CDH12: variants seen among roughly 807,000 people sequenced by gnomAD.
CDH12 encodes cadherin 12.
Under a neutral mutation model 74.1 loss-of-function variants are expected in CDH12, and 41 were observed. The observed-to-expected ratio is 0.55, with a 90% confidence interval of 0.43 to 0.72. The LOEUF is 0.72. Among genes scored for constraint, CDH12 ranks in the 30% least tolerant of loss-of-function variants. The pLI is 0.00. For missense variants in CDH12, 945 were observed against 977.2 expected, an observed-to-expected ratio of 0.97 and a Z score of 0.44; for synonymous variants, 399 against 355.0, an observed-to-expected ratio of 1.12 and a Z score of -1.39.
At chr5:22,698,886 G>GTA (rs1742567336) in intron 1 of CDH12, among the ~76,000 whole-genome samples, 1 of 150,910 alleles carries the variant, frequency 6.6e-6, no homozygotes, top group Non-Finnish European at 1.5e-5. Context: ...AGTTTTCTCC[G>GTA]TATACAATTA....
At chr5:22,032,018 C>T (rs187119346) in intron 5 of CDH12, among the ~76,000 whole-genome samples, 64 of 151,282 alleles carry the variant, frequency 4.2e-4, no homozygotes, top group Admixed American at 6.6e-4. Context: ...AAAAAAAAAT[C>T]GAATCAAAAC....
chr5:21,842,300 C>T lies in CDH12; in HGVS notation c.675G>A (p.Met225Ile), dbSNP rs1291086606. The T allele has an allele frequency of 6.2e-7, 1 of 1,611,368 alleles. No homozygotes were observed. Among genetic ancestry groups the T allele is most frequent in the Non-Finnish European group, 8.5e-7 (1 of 1,178,740 alleles). The change falls in exon 8 of 15, where the codon ATG becomes ATA. Residue 225 changes from methionine to isoleucine, a missense_variant. Met to Ile is a conservative substitution (Grantham distance 10). This residue lies in a region of CDH12 where 791 missense variants were observed against 792.8 expected (regional missense o/e 1.00). Transcript: ENST00000382254. The part of the protein sequence containing the change: ...TGVIRTALPN[M>I]DREVKEQYQV... ...GATATTGTTCTTTGACTTCTCTGTC[C>T]ATGTTTGGCAAAGCTGTTCTAATAA...
At chr5:22,576,005 G>A (rs369277881) in intron 1 of CDH12, among the ~76,000 whole-genome samples, 5 of 151,924 alleles carry the variant, frequency 3.3e-5, no homozygotes, top group South Asian at 2.1e-4. Flanking sequence ...CATGACCACC[G>A]CATGAGCCAC....
At chr5:22,842,827 T>C (rs1217800838) in intron 1 of CDH12, among the ~76,000 whole-genome samples, 1 of 152,116 alleles carries the variant, frequency 6.6e-6, no homozygotes, top group Non-Finnish European at 1.5e-5. Flanking sequence ...AATTCTATCA[T>C]GGTAATACTC....
intron 4 of CDH12, among the ~76,000 whole-genome samples, chr5:22,108,325 G>A (rs901246353): frequency 2.6e-5 from 4 of 152,192 alleles, no homozygotes; most frequent in South Asian, 4.1e-4. Context: ...GTGGAACTGT[G>A]AGTCCATTAA....
intron 5 of CDH12, among the ~76,000 whole-genome samples, chr5:21,995,935 T>C (rs1176390143): frequency 6.6e-6 from 1 of 152,022 alleles, no homozygotes. Flanking sequence ...ATATAAAAAT[T>C]GCCACCCATT....
chr5:21,932,435 T>G (rs61334592), intron 6 of CDH12, among the ~76,000 whole-genome samples: 3,130 of 152,248 alleles, frequency 0.021, 97 homozygotes, highest in African/African-American at 0.069. Context: ...CAATAAAAAA[T>G]TAATCACTAC....
intron 1 of CDH12, among the ~76,000 whole-genome samples, chr5:22,831,667 C>A (rs374999285): frequency 2.0e-5 from 3 of 152,034 alleles, no homozygotes; most frequent in Admixed American, 6.6e-5. Context: ...GAGCCCGAGG[C>A]GGGTGGATCA....
intron 6 of CDH12, among the ~76,000 whole-genome samples, chr5:21,958,635 T>A: frequency 6.6e-6 from 1 of 152,154 alleles, no homozygotes; most frequent in East Asian, 1.9e-4. Context: ...GGTTCTTTAT[T>A]CTGTTCTATT....
chr5:21,790,994 C>T (rs1251959950), intron 10 of CDH12, among the ~76,000 whole-genome samples: 1 of 151,982 alleles, frequency 6.6e-6, no homozygotes, highest in African/African-American at 2.4e-5. Flanking sequence ...ATCTCTGTCA[C>T]CTTGTGAGAC....
chr5:22,026,095 C>T (rs1185867344), intron 5 of CDH12, among the ~76,000 whole-genome samples: 1 of 152,096 alleles, frequency 6.6e-6, no homozygotes, highest in Non-Finnish European at 1.5e-5. Context: ...AAATTACAAA[C>T]GTTCTCAATA....
At chr5:21,827,449 A>C (rs543961836) in intron 8 of CDH12, among the ~76,000 whole-genome samples, 2 of 152,264 alleles carry the variant, frequency 1.3e-5, no homozygotes, top group East Asian at 3.9e-4. Context: ...GGCACTAAAC[A>C]TAAAATAATT....
chr5:21,926,444 TTCC>T (rs925037673), intron 6 of CDH12, among the ~76,000 whole-genome samples: 2 of 152,162 alleles, frequency 1.3e-5, no homozygotes, highest in Non-Finnish European at 2.9e-5. Context: ...CTCTTTGTCT[TTCC>T]TCTATATATC....
chr5:21,880,608 CTTCCTTCCTTCTTTCTTTCTTTCT>C (rs1752246158), intron 6 of CDH12, among the ~76,000 whole-genome samples: 7 of 65,678 alleles, frequency 1.1e-4, no homozygotes, highest in African/African-American at 2.6e-4. Context: ...TCCTTCCTTC[CTTCCTTCCTTCTTTCTTTCTTTCT>C]TTCTTTCTTT....
At chr5:22,138,323 A>T (rs1338091556) in intron 4 of CDH12, among the ~76,000 whole-genome samples, 1 of 151,870 alleles carries the variant, frequency 6.6e-6, no homozygotes, top group Non-Finnish European at 1.5e-5. Context: ...TGAAAGTGTT[A>T]GAAATATGAA....
At chr5:22,780,252 A>G (rs972153170) in intron 1 of CDH12, among the ~76,000 whole-genome samples, 3 of 152,084 alleles carry the variant, frequency 2.0e-5, no homozygotes, top group Admixed American at 1.3e-4. Context: ...ATTAGTCGGT[A>G]TGGTGGCACA....
At chr5:22,768,918 T>C (rs557532093) in intron 1 of CDH12, among the ~76,000 whole-genome samples, 2 of 152,212 alleles carry the variant, frequency 1.3e-5, no homozygotes, top group Non-Finnish European at 2.9e-5. Flanking sequence ...CATTATTTTA[T>C]AGCAATATTT....
intron 1 of CDH12, among the ~76,000 whole-genome samples, chr5:22,538,302 C>T (rs1737953410): frequency 6.6e-6 from 1 of 152,222 alleles, no homozygotes; most frequent in Non-Finnish European, 1.5e-5. Context: ...TCCCTATCAA[C>T]TGACTTAAAA....
At chr5:22,129,657 T>C (rs1746075273) in intron 4 of CDH12, among the ~76,000 whole-genome samples, 1 of 152,180 alleles carries the variant, frequency 6.6e-6, no homozygotes, top group Non-Finnish European at 1.5e-5. Flanking sequence ...CACCTGGTGC[T>C]TTTCAGTGCT....
Sources: allele counts gnomAD v4.1 joint callset (sites outside exome capture counted in the v4.1 genomes callset), GRCh38; gene constraint gnomAD v4.1.1; regional missense constraint gnomAD v4.1.1; transcripts MANE v1.5; gene names NCBI Gene and HGNC (gene_info 2026-07-23, HGNC 2026-07-21).